The following CERKL variants were observed in gnomAD, a reference collection of about 807,000 sequenced individuals.
CERKL encodes ceramide kinase-like protein.
Under a neutral mutation model 63.4 loss-of-function variants are expected in CERKL, and 61 were observed. The ratio of observed to expected loss-of-function variants is 0.96; its 90% CI spans 0.78 to 1.19. CERKL has a LOEUF of 1.19. Ranked by LOEUF, CERKL falls within the 50% of genes most tolerant of loss-of-function variation. CERKL has a pLI of 0.00. For missense variants in CERKL, 675 were observed against 655.5 expected, an observed-to-expected ratio of 1.03 and a Z score of -0.33; for synonymous variants, 250 against 230.5, an observed-to-expected ratio of 1.08 and a Z score of -0.77.
rs184829697 is a variant in CERKL at position 181,577,677 on chromosome 2, G to A, written c.482-3793C>T. On this transcript the variant is annotated intron_variant, in intron 2 of 12. Transcript: ENST00000410087. ...GGTTGGGGACAGTATCAGGCTAGGG[G>A]ATGTACAGAGACTTAGAGGCATGGG... 8.9e-4 allele frequency among the ~76,000 whole-genome samples: 136 copies of A among 152,234 alleles called. 1 individual carries two copies. Among genetic ancestry groups the A allele is most frequent in the Middle Eastern group, 3.4e-3 (1 of 294 alleles).
At chr2:181,602,305 T>A (rs1685490197) in intron 2 of CERKL, among the ~76,000 whole-genome samples, 1 of 152,186 alleles carries the variant, frequency 6.6e-6, no homozygotes, top group Non-Finnish European at 1.5e-5. Flanking sequence ...ATATCCTTAT[T>A]TTATAGACAA....
chr2:181,573,959 CAA>C (rs1260918313), intron 2 of CERKL, 75 bp from the exon 3 acceptor site: 3 of 1,394,840 alleles, frequency 2.2e-6, no homozygotes, highest in South Asian at 1.2e-5. Flanking sequence ...AAATGACACA[CAA>C]GTCTGTTAGA....
At chr2:181,617,454 G>A (rs1686247186) in intron 1 of CERKL, 1 of 152,176 alleles carries the variant, frequency 6.6e-6, no homozygotes, top group Admixed American at 6.5e-5. Flanking sequence ...CAGTCACTAA[G>A]CAAAGCAACT....
chr2:181,579,254 G>A (rs1684396086), intron 2 of CERKL, among the ~76,000 whole-genome samples: 1 of 151,806 alleles, frequency 6.6e-6, no homozygotes, highest in South Asian at 2.1e-4. Context: ...CACTCTACAA[G>A]GAATTTAGAT....
At chr2:181,574,432 G>A (rs1008889706) in intron 2 of CERKL, among the ~76,000 whole-genome samples, 4 of 152,146 alleles carry the variant, frequency 2.6e-5, no homozygotes, top group African/African-American at 7.2e-5. Flanking sequence ...TAAAAAGAGG[G>A]TTTCGGTCAG....
intron 1 of CERKL, among the ~76,000 whole-genome samples, chr2:181,639,443 A>T (rs549810869): frequency 6.6e-6 from 1 of 152,276 alleles, no homozygotes; most frequent in Admixed American, 6.5e-5. Context: ...AATTAGATTT[A>T]AAAAAACTTG....
intron 1 of CERKL, among the ~76,000 whole-genome samples, chr2:181,643,311 G>A (rs1164970567): frequency 6.6e-6 from 1 of 152,180 alleles, no homozygotes; most frequent in African/African-American, 2.4e-5. Context: ...TAAACAACCT[G>A]TCCAAAGTCT....
In CERKL at chr2:181,558,578, A is replaced by C. The variant is rs1341426481; in HGVS notation, c.808T>G (p.Leu270Val). 1 of 1,613,690 alleles carries C rather than the reference A, an allele frequency of 6.2e-7. No individual in the cohort carries two copies. The change falls in exon 5 of 13, where the codon TTA becomes GTA. Residue 270 changes from leucine to valine, a missense_variant. Leu to Val is a conservative substitution (Grantham distance 32). Transcript: ENST00000410087. This position sits in a 1 kb window ranked among gnomAD's most constrained non-coding sequence, Gnocchi z 4.2. ...GCCACTCCCTTGCCTGCTGGTATTA[A>C]GCCAAGTGGAAGCTGTGCTCTGACA... ...TPVRAQLPLG[L>V]IPAGSTNVLA...
At chr2:181,557,867 T>A (rs987837130) in intron 5 of CERKL, among the ~76,000 whole-genome samples, 1 of 152,136 alleles carries the variant, frequency 6.6e-6, no homozygotes, top group Non-Finnish European at 1.5e-5. Context: ...GCCAAGAAAA[T>A]AACTCATTCT....
chr2:181,558,729 CA>C lies in CERKL; in HGVS notation c.678-22del. ...CAACACTAGAAAAATACAAATCAAG[CA>C]AAGAAGGCAAAACTTCAGAATGATT... On this transcript the variant is annotated intron_variant, in intron 4 of 12. Coordinates refer to ENST00000410087, the MANE Select transcript of CERKL (RefSeq NM_201548.5). This position sits in a 1 kb window ranked among gnomAD's most constrained non-coding sequence, Gnocchi z 4.2. 6.2e-7 allele frequency: 1 copy of C among 1,612,586 alleles called. No homozygotes were observed. The highest frequency in any genetic ancestry group is 1.1e-5 in the South Asian group (1 of 91,054).
intron 5 of CERKL, among the ~76,000 whole-genome samples, chr2:181,551,502 A>G (rs539916205): frequency 1.3e-5 from 2 of 152,308 alleles, no homozygotes; most frequent in South Asian, 4.1e-4. Flanking sequence ...TGGGCAAAGG[A>G]TACGAACAGA....
intron 2 of CERKL, among the ~76,000 whole-genome samples, chr2:181,601,815 T>C (rs142416940): frequency 7.9e-5 from 12 of 152,316 alleles, no homozygotes; most frequent in African/African-American, 2.9e-4. Flanking sequence ...ACAGTTTGTT[T>C]GTATGAGTTG....
intron 2 of CERKL, among the ~76,000 whole-genome samples, chr2:181,591,059 T>C (rs185844145): frequency 3.9e-5 from 6 of 152,302 alleles, no homozygotes; most frequent in Admixed American, 1.3e-4. Context: ...TGAAGTCTTA[T>C]ACAGCTATTA....
intron 1 of CERKL, among the ~76,000 whole-genome samples, chr2:181,636,509 C>G (rs747675058): frequency 3.9e-5 from 6 of 151,986 alleles, no homozygotes; most frequent in South Asian, 2.1e-4. Flanking sequence ...TAATGCCCAG[C>G]CTTTGTCACA....
Position 181,548,724 on chromosome 2 carries a change from G to T in CERKL, c.1029C>A (p.Asn343Lys). ...TAACAACAGCAAAATCTCTCCGTTG[G>T]TTAGGGGACATCCATCGATATTTTT... ...LAEKYRWMSP[N>K]QRRDFAVVKA... The change falls in exon 7 of 13, where the codon AAC becomes AAA. Residue 343 changes from asparagine to lysine, a missense_variant. By Grantham distance (94) the Asn-to-Lys change is moderately conservative. Transcript: ENST00000410087. The T allele has an allele frequency of 1.9e-6, 3 of 1,614,036 alleles. No homozygotes were observed. The highest frequency in any genetic ancestry group is 2.5e-6 in the Non-Finnish European group (3 of 1,179,940).
At chr2:181,653,006 C>T (rs570051808) in intron 1 of CERKL, among the ~76,000 whole-genome samples, 15 of 152,204 alleles carry the variant, frequency 9.9e-5, no homozygotes, top group African/African-American at 3.6e-4. Context: ...ATCTTCTGAC[C>T]TCGTGATCTG....
At position 181,537,085 on chromosome 2, in the gene CERKL, G is replaced by GTATACACAGGAATAAACTTTATGACAT; in HGVS notation, c.*1072_*1098dup. 2 of 451,532 alleles carry GTATACACAGGAATAAACTTTATGACAT rather than the reference G, an allele frequency of 4.4e-6. No individual in the cohort carries two copies. Among genetic ancestry groups the GTATACACAGGAATAAACTTTATGACAT allele is most frequent in the South Asian group, 3.1e-5 (2 of 64,094 alleles). 28.0% of individuals were successfully genotyped at this position (451,532 alleles called of 1,614,324 possible). A position where few individuals can be genotyped will look rare whatever the true frequency, so the allele number is the denominator to read the frequency against. ...ACAAAACCTCCTGAACCCAGAGTGT[G>GTATACACAGGAATAAACTTTATGACAT]TATACACAGGAATAAACTTTATGAC... On this transcript the variant is annotated 3_prime_UTR_variant, in exon 13 of 13. Transcript: ENST00000410087.
intron 2 of CERKL, among the ~76,000 whole-genome samples, chr2:181,597,546 C>G (rs1685270740): frequency 6.6e-6 from 1 of 152,200 alleles, no homozygotes; most frequent in Admixed American, 6.5e-5. Context: ...TAGCTAGAGT[C>G]TGGCAGAGAT....
intron 11 of CERKL, among the ~76,000 whole-genome samples, chr2:181,543,419 T>A (rs964306911): frequency 1.3e-5 from 2 of 152,168 alleles, no homozygotes; most frequent in Non-Finnish European, 2.9e-5. Flanking sequence ...CTTTGACATA[T>A]AAAGAAAGTG....
Sources: allele counts gnomAD v4.1 joint callset (sites outside exome capture counted in the v4.1 genomes callset), GRCh38; gene constraint gnomAD v4.1.1; non-coding constraint Gnocchi (gnomAD v3.1); transcripts MANE v1.5; gene names NCBI Gene and HGNC (gene_info 2026-07-23, HGNC 2026-07-21).